ZNF729: variants seen among roughly 807,000 people sequenced by gnomAD.
ZNF729 encodes the protein zinc finger protein 729.
In ZNF729, 15 loss-of-function variants were observed where a neutral mutation model predicts 12.2. That is an observed-to-expected ratio of 1.23 (90% confidence interval 0.82 to 1.89). The LOEUF (loss-of-function observed/expected upper bound fraction) is 1.89. ZNF729 is among the 40% of genes most tolerant of loss of function. The probability of loss-of-function intolerance (pLI) is 0.00; values close to 1 mark genes in which losing one functional copy is unlikely to be tolerated. For synonymous variants in ZNF729, 492 were observed against 476.3 expected (o/e 1.03, Z -0.43); for missense variants, 1,540 against 1,456.7 (o/e 1.06, Z -0.93).
chr19:22,289,246 G>A (rs1208434778), intron 1 of ZNF729, among the ~76,000 whole-genome samples: 1 of 134,268 alleles, frequency 7.4e-6, no homozygotes. Flanking sequence ...TTTTTTTTGA[G>A]ACCAAGTCTC....
Position 22,286,455 on chromosome 19 carries a change from C to G in ZNF729, c.-71C>G. ...TGGTTGCAGCCGCAGTTCCCGGTCT[C>G]GCCTTCACTGCTGTGTGTCCTCAGC... On this transcript the variant is annotated 5_prime_UTR_variant, in exon 1 of 4. Coordinates refer to ENST00000601693, the MANE Select transcript of ZNF729 (RefSeq NM_001242680.2). The G allele has an allele frequency of 1.9e-6, 3 of 1,594,474 alleles. No individual in the cohort carries two copies. Among genetic ancestry groups the G allele is most frequent in the Non-Finnish European group, 2.6e-6 (3 of 1,168,688 alleles).
rs1391706964 is a variant in ZNF729 at position 22,314,010 on chromosome 19, A to G, written c.593A>G (p.His198Arg). The G allele has an allele frequency of 7.1e-6, 11 of 1,540,760 alleles. No homozygotes were observed. The highest frequency in any genetic ancestry group is 1.2e-5 in the South Asian group (1 of 82,978). Residue 198 changes from histidine (H) to arginine (R), a missense_variant, in exon 4 of 4, where the codon CAT becomes CGT. Transcript: ENST00000601693. ...TTCATGCTTTCATGCTTAATTCGAC[A>G]TAAGAGAATTCATATTAGACAGAAT... is the stretch of plus-strand genomic sequence containing the variant. ...SFFMLSCLIR[H>R]KRIHIRQNIY...
Position 22,316,346 on chromosome 19 carries a change from T to A in ZNF729, c.2929T>A (p.Ser977Thr), listed in dbSNP as rs756235686. ...ATGTGGCAAAGCTTTTAAGCAATCC[T>A]CACATCTTACTAGACATAAAGCAAT... ...AECGKAFKQSSHLTRHKAIHT... is the reference protein window; with the variant it reads ...AECGKAFKQSTHLTRHKAIHT... Residue 977 changes from serine to threonine, a missense_variant, in exon 4 of 4, where the codon TCA (serine) becomes ACA (threonine). Ser to Thr is a moderately conservative substitution (Grantham distance 58). Transcript: ENST00000601693. 33 of 1,613,556 alleles carry A rather than the reference T, an allele frequency of 2.0e-5. No homozygotes were observed. Among genetic ancestry groups the A allele is most frequent in the Non-Finnish European group, 2.7e-5 (32 of 1,179,764 alleles).
At position 22,314,091 on chromosome 19, in the gene ZNF729, A is replaced by C. The variant is rs1401796948; in HGVS notation, c.674A>C (p.Lys225Thr). Residue 225 changes from lysine (K) to threonine (T), a missense_variant, in exon 4 of 4, where the codon AAA becomes ACA. Lys to Thr is a moderately conservative substitution (Grantham distance 78). Transcript: ENST00000601693. ...KAFKSFSTLT[K>T]HKIIHTEDKP... is the part of the protein sequence containing the mutation. ...TTTAAATCGTTCTCAACCCTTACTA[A>C]ACATAAGATAATTCATACTGAAGAC... 2 of 1,546,230 alleles carry C rather than the reference A, an allele frequency of 1.3e-6. No homozygotes were observed. The highest frequency in any genetic ancestry group is 1.7e-6 in the Non-Finnish European group (2 of 1,147,040).
At chr19:22,298,583 G>A (rs528360446) in intron 1 of ZNF729, among the ~76,000 whole-genome samples, 5 of 152,162 alleles carry the variant, frequency 3.3e-5, no homozygotes, top group South Asian at 4.1e-4. Context: ...GCATGGTCTC[G>A]GCTCACTACA....
Position 22,315,247 on chromosome 19 carries a change from C to A in ZNF729, c.1830C>A (p.Asn610Lys). 6.2e-7 allele frequency: 1 copy of A among 1,611,600 alleles called. No individual in the cohort carries two copies. The highest frequency in any genetic ancestry group is 8.5e-7 in the Non-Finnish European group (1 of 1,179,214). ...YKCEECGKAF[N>K]NSSILAKHKI... Reference sequence around the variant, plus strand: ...GTGAAGAATGTGGCAAAGCTTTTAACAATTCCTCAATCCTTGCTAAACATA... The same window carrying A: ...GTGAAGAATGTGGCAAAGCTTTTAAAAATTCCTCAATCCTTGCTAAACATA... The change falls in exon 4 of 4, where the codon AAC becomes AAA. Residue 610 changes from asparagine to lysine, a missense_variant. Transcript: ENST00000601693.
At chr19:22,313,532 A>G in intron 3 of ZNF729, 139 bp from the exon 4 acceptor site, 1 of 701,802 alleles carries the variant, frequency 1.4e-6, no homozygotes, top group Non-Finnish European at 2.1e-6. Context: ...TTACATTTAT[A>G]TGTCTATGAA....
chr19:22,313,885 T>C lies in ZNF729; in HGVS notation c.468T>C (p.Cys156=), dbSNP rs762819302. The change falls in exon 4 of 4, where the codon TGT becomes TGC. Residue 156 remains cysteine, a synonymous_variant. Coordinates refer to ENST00000601693, the MANE Select transcript of ZNF729 (RefSeq NM_001242680.2). ...CTACCCAGAGAAAAATATTTCAGTG[T>C]AACAAACATATGAAAGTCTTTCATA... ...RTATQRKIFQ[C]NKHMKVFHKY... The C allele has an allele frequency of 4.3e-5, 66 of 1,541,672 alleles. No individual in the cohort carries two copies. The highest frequency in any genetic ancestry group is 5.6e-5 in the Non-Finnish European group (64 of 1,147,036).
intron 3 of ZNF729, among the ~76,000 whole-genome samples, chr19:22,309,582 C>G (rs1968425817): frequency 6.6e-6 from 1 of 152,056 alleles, no homozygotes; most frequent in Non-Finnish European, 1.5e-5. Context: ...ATTTTTGTAC[C>G]AGTACCATGC....
rs1192365502 is a variant in ZNF729 at position 22,295,516 on chromosome 19, G to GAGTAGCTGGGACTAC, written c.31-8239_31-8225dup. Among the ~76,000 whole-genome samples the GAGTAGCTGGGACTAC allele has an allele frequency of 3.1e-4, 46 of 150,148 alleles. 1 individual carries two copies. Among genetic ancestry groups the GAGTAGCTGGGACTAC allele is most frequent in the African/African-American group, 8.3e-4 (34 of 40,848 alleles). On this transcript the variant is annotated intron_variant, in intron 1 of 3. Transcript: ENST00000601693. ...CGCCATTCTCCTGCCTCAGCCTCCCGAGTAGCTGGGACTACAGGCGACTAC... is the reference window on the plus strand; with the variant it reads ...CGCCATTCTCCTGCCTCAGCCTCCCGAGTAGCTGGGACTACAGTAGCTGGGACTACAGGCGACTAC...
chr19:22,310,714 A>G (rs1404128039), intron 3 of ZNF729, among the ~76,000 whole-genome samples: 2 of 152,178 alleles, frequency 1.3e-5, no homozygotes, highest in Non-Finnish European at 2.9e-5. Context: ...GCTTCATAGA[A>G]TAAATTAGGA....
intron 3 of ZNF729, among the ~76,000 whole-genome samples, chr19:22,310,695 G>T (rs1360719343): frequency 6.6e-6 from 1 of 152,124 alleles, no homozygotes; most frequent in Non-Finnish European, 1.5e-5. Flanking sequence ...TGGTATTAGG[G>T]TGATGCTGGC....
intron 1 of ZNF729, chr19:22,299,161 G>A (rs1395631751): frequency 1.3e-5 from 2 of 152,138 alleles, no homozygotes; most frequent in Non-Finnish European, 2.9e-5. Flanking sequence ...TGGTTGTTTA[G>A]AGAGAAATTC....
At chr19:22,293,494 A>ATTTTTTTTTTTTTTTTTT (rs56180581) in intron 1 of ZNF729, among the ~76,000 whole-genome samples, 2 of 96,064 alleles carry the variant, frequency 2.1e-5, no homozygotes, top group African/African-American at 8.5e-5. Flanking sequence ...CCTTTTGTCT[A>ATTTTTTTTTTTTTTTTTT]TTTTTTTTTT....
At position 22,300,384 on chromosome 19, in the gene ZNF729, T is replaced by A. The variant is rs182219580; in HGVS notation, c.31-3374T>A. Among the ~76,000 whole-genome samples, 530 of 152,330 alleles carry A rather than the reference T, an allele frequency of 3.5e-3. 10 individuals are homozygous for A. Among genetic ancestry groups the A allele is most frequent in the East Asian group, 0.014 (73 of 5,184 alleles). On this transcript the variant is annotated intron_variant, in intron 1 of 3. Coordinates refer to ENST00000601693, the MANE Select transcript of ZNF729 (RefSeq NM_001242680.2). ...CAGGTTTAATTGTGTAATAAAACAG[T>A]TTTATGTCTGTTCTATTGTGGAGTT...
chr19:22,314,106 A>T lies in ZNF729; in HGVS notation c.689A>T (p.His230Leu). Residue 230 changes from histidine (H) to leucine (L), a missense_variant, in exon 4 of 4, where the codon CAT becomes CTT. By Grantham distance (99) the His-to-Leu change is moderately conservative. Transcript: ENST00000601693. ...ACCCTTACTAAACATAAGATAATTCATACTGAAGACAAACCTTACAAATAT... is the reference window on the plus strand; with the variant it reads ...ACCCTTACTAAACATAAGATAATTCTTACTGAAGACAAACCTTACAAATAT... ...FSTLTKHKII[H>L]TEDKPYKYKK... is the part of the protein sequence containing the mutation. The T allele has an allele frequency of 6.5e-7, 1 of 1,548,844 alleles. No homozygotes were observed. The highest frequency in any genetic ancestry group is 2.4e-5 in the East Asian group (1 of 41,062).
At chr19:22,293,128 T>C (rs143982331) in intron 1 of ZNF729, among the ~76,000 whole-genome samples, 1 of 152,372 alleles carries the variant, frequency 6.6e-6, no homozygotes, top group South Asian at 2.1e-4. Flanking sequence ...TTTTTTCATA[T>C]GCTTGTTAGC....
chr19:22,312,969 T>C (rs989392038), intron 3 of ZNF729, among the ~76,000 whole-genome samples: 6 of 152,098 alleles, frequency 3.9e-5, no homozygotes, highest in African/African-American at 1.2e-4. Flanking sequence ...CACCTCGGCC[T>C]CCCAAAGTGC....
chr19:22,306,021 G>T (rs573079136), intron 3 of ZNF729, among the ~76,000 whole-genome samples: 1 of 152,096 alleles, frequency 6.6e-6, no homozygotes, highest in African/African-American at 2.4e-5. Flanking sequence ...TTGCCTTGTT[G>T]CTCAGGCTGG....
Sources: allele counts gnomAD v4.1 joint callset (sites outside exome capture counted in the v4.1 genomes callset), GRCh38; gene constraint gnomAD v4.1.1; transcripts MANE v1.5; gene names NCBI Gene and HGNC (gene_info 2026-07-23, HGNC 2026-07-21).